COL4A6: variants seen among roughly 807,000 people sequenced by gnomAD.
COL4A6 encodes collagen type IV alpha 6 chain, also known as collagen alpha-6(IV) chain.
In COL4A6, 59 loss-of-function variants were observed where a neutral mutation model predicts 126.7. The observed-to-expected ratio is 0.47, with a 90% CI of 0.38 to 0.58. COL4A6 has a LOEUF of 0.58. COL4A6 is among the 20% of genes least tolerant of loss of function. COL4A6 has a pLI of 0.00. For synonymous variants in COL4A6, 547 were observed against 496.6 expected (o/e 1.10, Z -1.35); for missense variants, 1,285 against 1,337.3 (o/e 0.96, Z 0.61).
At chrX:108,273,631 C>T (rs1049779175) in intron 3 of COL4A6, among the ~76,000 whole-genome samples, 1 of 112,198 alleles carries the variant, frequency 8.9e-6, no homozygotes, top group African/African-American at 3.2e-5. Context: ...TACATATACA[C>T]CATGGAATAC....
chrX:108,294,640 T>C (rs1301378659), intron 3 of COL4A6, among the ~76,000 whole-genome samples: 2 of 111,526 alleles, frequency 1.8e-5, no homozygotes, highest in Non-Finnish European at 3.8e-5. Flanking sequence ...ACGCTTCGGT[T>C]TGGGGTCCAG....
At chrX:108,265,089 C>G (rs1419078965) in intron 3 of COL4A6, among the ~76,000 whole-genome samples, 1 of 111,686 alleles carries the variant, frequency 9.0e-6, no homozygotes, top group Non-Finnish European at 1.9e-5. Context: ...CTTCTTAGAT[C>G]AGTACCTGGC....
chrX:108,191,808 G>C (rs1277396216), intron 18 of COL4A6, among the ~76,000 whole-genome samples: 5 of 111,477 alleles, frequency 4.5e-5, no homozygotes, highest in Admixed American at 3.8e-4. Context: ...TTCATTTCTT[G>C]ATTTTTTTCC....
rs780068177 is a variant in COL4A6 at position 108,314,938 on chromosome X, A to AT, written c.64-4111dup. Among the ~76,000 whole-genome samples the AT allele has an allele frequency of 9.0e-5, 10 of 111,690 alleles. No individual in the cohort carries two copies. In the South Asian group the frequency reaches 3.8e-3, roughly 42 times the overall value. On this transcript the variant is annotated intron_variant, in intron 2 of 44. Coordinates refer to ENST00000334504, the MANE Select transcript of COL4A6 (RefSeq NM_033641.4). Reference sequence around the variant, plus strand: ...CATTAGCTATACTAGACTACTCAGCATTTTTTGCAACATTCTGGTCTCTCT... The same window carrying AT: ...CATTAGCTATACTAGACTACTCAGCATTTTTTTGCAACATTCTGGTCTCTCT...
chrX:108,388,527 C>T (rs1027661775), intron 2 of COL4A6, among the ~76,000 whole-genome samples: 26 of 111,446 alleles, frequency 2.3e-4, no homozygotes, highest in South Asian at 3.7e-4. Context: ...TATTCTCTGA[C>T]GGTACTTTGC....
chrX:108,167,973 C>G (rs1785205104), intron 37 of COL4A6, among the ~76,000 whole-genome samples: 3 of 111,397 alleles, frequency 2.7e-5, no homozygotes. Context: ...CCTTTTTCTT[C>G]AGTTTGACCA....
rs1013661892 is a variant in COL4A6 at position 108,277,082 on chromosome X, C to T, written c.144+33666G>A. Reference sequence around the variant, plus strand: ...CTCCCAGCGTGAGCGATGCAGAAGACGGGTGATTTCTGCATTTCCATCTGA... The same window carrying T: ...CTCCCAGCGTGAGCGATGCAGAAGATGGGTGATTTCTGCATTTCCATCTGA... On this transcript the variant is annotated intron_variant, in intron 3 of 44. Transcript: ENST00000334504. Among the ~76,000 whole-genome samples the T allele has an allele frequency of 1.9e-3, 214 of 111,881 alleles. 1 individual carries two copies. Among genetic ancestry groups the T allele is most frequent in the Admixed American group, 7.4e-3 (78 of 10,566 alleles).
intron 3 of COL4A6, among the ~76,000 whole-genome samples, chrX:108,275,841 T>A (rs2037586220): frequency 8.9e-6 from 1 of 112,971 alleles, no homozygotes; most frequent in Non-Finnish European, 1.9e-5. Flanking sequence ...GAGATTGGCA[T>A]ACGGGTGCAC....
chrX:108,352,237 A>C (rs2039863375), intron 2 of COL4A6, among the ~76,000 whole-genome samples: 1 of 112,824 alleles, frequency 8.9e-6, no homozygotes, highest in African/African-American at 3.2e-5. Flanking sequence ...CTGATGCATA[A>C]GAAATGAACA....
chrX:108,310,640 T>C (rs2038738496), intron 3 of COL4A6, 108 bp downstream of exon 3: 14 of 648,055 alleles, frequency 2.2e-5, no homozygotes, highest in South Asian at 3.1e-5. Context: ...TCACTTTGCT[T>C]GTTCCATGAG....
intron 4 of COL4A6, 65 bp downstream of exon 4, chrX:108,221,175 A>T: frequency 8.5e-7 from 1 of 1,179,197 alleles, no homozygotes; most frequent in Non-Finnish European, 1.2e-6. Flanking sequence ...ACTGGGATGG[A>T]GAACTTCTGA....
At chrX:108,165,775 C>G (rs978803117) in intron 37 of COL4A6, among the ~76,000 whole-genome samples, 7 of 112,532 alleles carry the variant, frequency 6.2e-5, no homozygotes, top group Non-Finnish European at 1.3e-4. Context: ...CAACTTCCCC[C>G]ACACCAGAAA....
intron 8 of COL4A6, chrX:108,206,835 T>C: frequency 2.2e-6 from 1 of 444,947 alleles, no homozygotes. Flanking sequence ...TCAAAATCAC[T>C]GTGTTAAGTG....
chrX:108,178,031 G>A (rs1220185212), intron 27 of COL4A6, among the ~76,000 whole-genome samples: 1 of 112,332 alleles, frequency 8.9e-6, no homozygotes, highest in Non-Finnish European at 1.9e-5. Flanking sequence ...GAAGATCTCA[G>A]AAACACAGAG....
rs1193768105 is a variant in COL4A6 at position 108,206,541 on chromosome X, G to A, written c.586C>T (p.Pro196Ser). ...GAPGFPGAVG[P>S]AGPPGLQGPP... ...ACTTGTAATCCTGGTGGTCCTGCAG[G>A]TCCTACAGCTCCAGGAAATCCGGGT... The change falls in exon 9 of 45, where the codon CCT becomes TCT. Residue 196 changes from proline (P) to serine (S), a missense_variant. Pro to Ser is a moderately conservative substitution (Grantham distance 74, BLOSUM62 -1). Coordinates refer to ENST00000334504, the MANE Select transcript of COL4A6 (RefSeq NM_033641.4). 8.3e-7 allele frequency: 1 copy of A among 1,210,133 alleles called. No individual in the cohort carries two copies. The highest frequency in any genetic ancestry group is 1.1e-6 in the Non-Finnish European group (1 of 894,339).
At position 108,156,852 on chromosome X, in the gene COL4A6, G is replaced by A. The variant is rs2033752923; in HGVS notation, c.*148C>T. 1.7e-6 allele frequency: 1 copy of A among 581,033 alleles called. No individual in the cohort carries two copies. Among genetic ancestry groups the A allele is most frequent in the East Asian group, 3.3e-5 (1 of 30,640 alleles). 47.9% of individuals were successfully genotyped at this position (581,033 alleles called of 1,213,427 possible). A position where few individuals can be genotyped will look rare whatever the true frequency, so the allele number is the denominator to read the frequency against. On this transcript the variant is annotated 3_prime_UTR_variant, in exon 45 of 45. Coordinates refer to ENST00000334504, the MANE Select transcript of COL4A6 (RefSeq NM_033641.4). ...ATGGACCCGAGGGCTGGGGTGACGA[G>A]TGTCCGGTAGTCTAGCCCAAATGAG... is the stretch of plus-strand genomic sequence containing the variant.
chrX:108,167,221 C>A (rs918837933), intron 37 of COL4A6, among the ~76,000 whole-genome samples: 4 of 112,383 alleles, frequency 3.6e-5, no homozygotes, highest in African/African-American at 1.3e-4. Context: ...CTTGAAAAAA[C>A]AAAATACATA....
intron 2 of COL4A6, among the ~76,000 whole-genome samples, chrX:108,317,434 A>C (rs973408292): frequency 8.9e-6 from 1 of 112,137 alleles, no homozygotes; most frequent in African/African-American, 3.2e-5. Context: ...GTCAGTATAG[A>C]CTTGACTACG....
At chrX:108,280,515 C>T (rs1369924894) in intron 3 of COL4A6, among the ~76,000 whole-genome samples, 2 of 111,577 alleles carry the variant, frequency 1.8e-5, no homozygotes, top group Non-Finnish European at 3.8e-5. Context: ...GCTTACTGAC[C>T]AAAAAGAGTC....
Sources: allele counts gnomAD v4.1 joint callset (sites outside exome capture counted in the v4.1 genomes callset), GRCh38; gene constraint gnomAD v4.1.1; transcripts MANE v1.5; gene names NCBI Gene and HGNC (gene_info 2026-07-23, HGNC 2026-07-21).